GRM5: variants seen among roughly 807,000 people sequenced by gnomAD.
GRM5 encodes glutamate metabotropic receptor 5, also known as metabotropic glutamate receptor 5.
A neutral mutation model predicts 83.1 loss-of-function variants in GRM5; 19 were observed. The observed-to-expected ratio is 0.23, with a 90% CI of 0.16 to 0.34. GRM5 has a LOEUF of 0.34. Ranked by LOEUF, GRM5 falls within the 10% of genes least tolerant of loss-of-function variation. The pLI is 1.00. For synonymous variants in GRM5, 675 were observed against 633.6 expected, an observed-to-expected ratio of 1.07 and a Z score of -0.98; for missense variants, 1,160 against 1,588.3, an observed-to-expected ratio of 0.73 and a Z score of 4.58.
chr11:88,648,022 G>A lies in GRM5; in HGVS notation c.1147+5146C>T, dbSNP rs370428226. Reference sequence around the variant, plus strand: ...GGAAACAACAGGTGCTGGAGAGGATGTGGAGAAACAGGAACACTTTTACAC... The same window carrying A: ...GGAAACAACAGGTGCTGGAGAGGATATGGAGAAACAGGAACACTTTTACAC... On this transcript the variant is annotated intron_variant, in intron 4 of 9. Coordinates refer to ENST00000305447, the MANE Select transcript of GRM5 (RefSeq NM_001143831.3). Among the ~76,000 whole-genome samples, 911 of 151,732 alleles carry A rather than the reference G, an allele frequency of 6.0e-3. 12 individuals are homozygous for A. In the East Asian group the frequency reaches 0.066, roughly 11 times the overall value.
In GRM5 at chr11:88,932,239, A is replaced by G. The variant is rs1440781261; in HGVS notation, c.662-82084T>C. On this transcript the variant is annotated intron_variant, in intron 2 of 9. Coordinates refer to ENST00000305447, the MANE Select transcript of GRM5 (RefSeq NM_001143831.3). The stretch of plus-strand genomic sequence containing the variant: ...AACATGTAAATGTTTTGGTTTGAGT[A>G]TTATACTTCTGACAATTTATCCTGA... 1.5e-4 allele frequency among the ~76,000 whole-genome samples: 23 copies of G among 152,126 alleles called. 1 individual carries two copies. The highest frequency in any genetic ancestry group is 1.5e-3 in the Admixed American group (23 of 15,246).
intron 2 of GRM5, among the ~76,000 whole-genome samples, chr11:89,030,535 A>T (rs1361425202): frequency 1.3e-5 from 2 of 152,104 alleles, no homozygotes; most frequent in Non-Finnish European, 2.9e-5. Context: ...TGGTAATTAA[A>T]AGTACTTAAC....
chr11:88,944,980 C>A (rs190178548), intron 2 of GRM5, among the ~76,000 whole-genome samples: 2,453 of 152,020 alleles, frequency 0.016, 68 homozygotes, highest in African/African-American at 0.057. Context: ...CTCCACCAAA[C>A]GGCTCCTGGG....
intron 3 of GRM5, among the ~76,000 whole-genome samples, chr11:88,677,336 A>G (rs1940359129): frequency 6.6e-6 from 1 of 152,098 alleles, no homozygotes; most frequent in African/African-American, 2.4e-5. Context: ...TGTCAACCAG[A>G]GTAATTCTTC....
chr11:88,925,462 C>T (rs1191350318), intron 2 of GRM5, among the ~76,000 whole-genome samples: 9 of 152,118 alleles, frequency 5.9e-5, no homozygotes. Flanking sequence ...TGATATTTGA[C>T]ATATCACATC....
chr11:88,950,616 T>C (rs1938427643), intron 2 of GRM5, among the ~76,000 whole-genome samples: 1 of 152,104 alleles, frequency 6.6e-6, no homozygotes, highest in African/African-American at 2.4e-5. Context: ...ATTATTAGAA[T>C]GGCAAAAAGA....
At chr11:88,848,528 A>C (rs1944335882) in intron 3 of GRM5, among the ~76,000 whole-genome samples, 1 of 152,176 alleles carries the variant, frequency 6.6e-6, no homozygotes, top group African/African-American at 2.4e-5. Flanking sequence ...GATGCAGTGG[A>C]TTCTAAGGTT....
At chr11:88,517,581 A>G (rs544617768) in intron 9 of GRM5, among the ~76,000 whole-genome samples, 68 of 152,298 alleles carry the variant, frequency 4.5e-4, no homozygotes, top group African/African-American at 1.4e-3. Context: ...CAATATTACC[A>G]TTATACATAA....
intron 2 of GRM5, among the ~76,000 whole-genome samples, chr11:88,966,815 T>C (rs1170789259): frequency 6.6e-6 from 1 of 152,146 alleles, no homozygotes; most frequent in Non-Finnish European, 1.5e-5. Context: ...AATGATTGGC[T>C]GACCAAGGCG....
At chr11:88,841,606 T>C (rs932566396) in intron 3 of GRM5, among the ~76,000 whole-genome samples, 11 of 152,214 alleles carry the variant, frequency 7.2e-5, no homozygotes, top group Non-Finnish European at 1.6e-4. Flanking sequence ...TCCTTTTCTT[T>C]CGTTATGTTG....
chr11:88,734,707 CTG>C (rs1394215564), intron 3 of GRM5, among the ~76,000 whole-genome samples: 2 of 152,014 alleles, frequency 1.3e-5, no homozygotes, highest in African/African-American at 4.8e-5. Flanking sequence ...CATTTTCTGT[CTG>C]TCACAGATGC....
intron 4 of GRM5, among the ~76,000 whole-genome samples, chr11:88,652,776 T>C (rs1035453116): frequency 6.6e-6 from 1 of 152,070 alleles, no homozygotes; most frequent in Non-Finnish European, 1.5e-5. Flanking sequence ...TTTGTACATA[T>C]ATGAAACCGT....
chr11:88,784,148 G>T (rs1042069673), intron 3 of GRM5, among the ~76,000 whole-genome samples: 4 of 152,020 alleles, frequency 2.6e-5, no homozygotes, highest in African/African-American at 7.2e-5. Flanking sequence ...TAGCAGGTAG[G>T]TTAGAAAATA....
At chr11:89,012,964 G>A (rs886659145) in intron 2 of GRM5, among the ~76,000 whole-genome samples, 2 of 152,130 alleles carry the variant, frequency 1.3e-5, no homozygotes, top group African/African-American at 4.8e-5. Flanking sequence ...CTAAAGTTCT[G>A]AAAAAACATA....
intron 9 of GRM5, among the ~76,000 whole-genome samples, chr11:88,519,191 C>G (rs182791329): frequency 6.6e-6 from 1 of 151,578 alleles, no homozygotes; most frequent in East Asian, 1.9e-4. Flanking sequence ...AGTTCCTTCT[C>G]CCTGGAAGAA....
At chr11:88,902,541 C>T (rs1945329042) in intron 2 of GRM5, among the ~76,000 whole-genome samples, 1 of 152,030 alleles carries the variant, frequency 6.6e-6, no homozygotes. Context: ...TGGTGCTAGA[C>T]CCATTTCTAA....
intron 3 of GRM5, among the ~76,000 whole-genome samples, chr11:88,830,780 A>C (rs543941585): frequency 1.1e-4 from 16 of 152,132 alleles, no homozygotes; most frequent in Non-Finnish European, 1.8e-4. Flanking sequence ...CATACCCAAG[A>C]CTGGGCAATT....
rs1937679863 is a variant in GRM5, at chr11:88,930,858, T to C, written c.662-80703A>G. The stretch of plus-strand genomic sequence containing the variant: ...ATGAGTCACCACACTCGGCCTCATA[T>C]TGCCAACTCCTTAATGGTAGAGAAC... On this transcript the variant is annotated intron_variant, in intron 2 of 9. Transcript: ENST00000305447. 2.0e-5 allele frequency among the ~76,000 whole-genome samples: 3 copies of C among 152,100 alleles called. No individual in the cohort carries two copies. The South Asian group carries it at 6.2e-4, about 32-fold the overall frequency.
At chr11:88,792,749 T>C (rs758934836) in intron 3 of GRM5, among the ~76,000 whole-genome samples, 2 of 152,172 alleles carry the variant, frequency 1.3e-5, no homozygotes, top group Non-Finnish European at 2.9e-5. Flanking sequence ...TGAGGTGAAA[T>C]ACTGCTTTTT....
Sources: allele counts gnomAD v4.1 joint callset (sites outside exome capture counted in the v4.1 genomes callset), GRCh38; gene constraint gnomAD v4.1.1; transcripts MANE v1.5; gene names NCBI Gene and HGNC (gene_info 2026-07-23, HGNC 2026-07-21).